Variants in LRMDA observed in about 807,000 individuals in gnomAD.
LRMDA encodes the protein leucine-rich melanocyte differentiation-associated protein.
In LRMDA, 18 loss-of-function variants were observed where a neutral mutation model predicts 29.8. The ratio of observed to expected loss-of-function variants is 0.60; its 90% confidence interval spans 0.42 to 0.90. LRMDA has a LOEUF of 0.90. LRMDA is among the 40% of genes least tolerant of loss of function. LRMDA has a pLI of 0.00. For synonymous variants in LRMDA, 125 were observed against 109.4 expected (o/e 1.14, Z -0.89); for missense variants, 273 against 273.9 (o/e 1.00, Z 0.02).
chr10:75,672,617 C>T (rs1433210288), intron 2 of LRMDA, among the ~76,000 whole-genome samples: 3 of 121,236 alleles, frequency 2.5e-5, no homozygotes, highest in Non-Finnish European at 5.0e-5. Flanking sequence ...GACAGCGTCT[C>T]ACTCTGCTGC....
intron 2 of LRMDA, among the ~76,000 whole-genome samples, chr10:75,928,683 G>A (rs1284023863): frequency 6.6e-6 from 1 of 152,146 alleles, no homozygotes; most frequent in Non-Finnish European, 1.5e-5. Flanking sequence ...AGGAGGAAGA[G>A]AGGTGGTTTT....
chr10:76,439,301 GAC>G (rs1842276923), intron 6 of LRMDA, among the ~76,000 whole-genome samples: 2 of 152,116 alleles, frequency 1.3e-5, no homozygotes, highest in Non-Finnish European at 2.9e-5. Context: ...AAAGCTCAAA[GAC>G]ATATCTGTGA....
At chr10:76,479,400 T>C (rs1472680583) in intron 6 of LRMDA, among the ~76,000 whole-genome samples, 9 of 152,032 alleles carry the variant, frequency 5.9e-5, no homozygotes, top group Non-Finnish European at 1.2e-4. Context: ...CACGCCATGC[T>C]CAGAAGGGCC....
intron 2 of LRMDA, among the ~76,000 whole-genome samples, chr10:75,473,694 C>T (rs570358036): frequency 6.6e-6 from 1 of 152,306 alleles, no homozygotes; most frequent in East Asian, 1.9e-4. Flanking sequence ...CTGTGGCATG[C>T]TGGTTGTGAG....
intron 2 of LRMDA, among the ~76,000 whole-genome samples, chr10:75,559,219 C>A (rs546646673): frequency 3.3e-5 from 5 of 152,172 alleles, no homozygotes; most frequent in African/African-American, 7.2e-5. Flanking sequence ...TTAATGATCG[C>A]CATTCTAACT....
chr10:76,083,651 A>T (rs1343791379), intron 5 of LRMDA, among the ~76,000 whole-genome samples: 1 of 152,160 alleles, frequency 6.6e-6, no homozygotes, highest in Non-Finnish European at 1.5e-5. Context: ...CAACATGGTG[A>T]AACCCCGTCT....
chr10:75,925,715 C>T (rs1466659496), intron 2 of LRMDA, among the ~76,000 whole-genome samples: 2 of 143,694 alleles, frequency 1.4e-5, no homozygotes, highest in Admixed American at 1.4e-4. Flanking sequence ...TGCAGTGACA[C>T]AGTCTCGGTT....
chr10:75,675,737 T>C (rs970077840), intron 2 of LRMDA, among the ~76,000 whole-genome samples: 4 of 152,072 alleles, frequency 2.6e-5, no homozygotes, highest in African/African-American at 7.2e-5. Flanking sequence ...TGAAAAACTA[T>C]CTTTACCAGT....
intron 2 of LRMDA, among the ~76,000 whole-genome samples, chr10:75,923,018 G>A (rs1846052297): frequency 1.3e-5 from 2 of 152,058 alleles, no homozygotes; most frequent in South Asian, 4.1e-4. Context: ...TTACAAATGG[G>A]GGCCCAGAGA....
chr10:76,344,819 A>G (rs1841082343), intron 6 of LRMDA, among the ~76,000 whole-genome samples: 1 of 151,886 alleles, frequency 6.6e-6, no homozygotes, highest in South Asian at 2.1e-4. Flanking sequence ...TGGGGGACAT[A>G]TAATAGGTAT....
At chr10:76,250,114 T>C (rs998453141) in intron 5 of LRMDA, among the ~76,000 whole-genome samples, 3 of 152,170 alleles carry the variant, frequency 2.0e-5, no homozygotes, top group African/African-American at 7.2e-5. Flanking sequence ...CCACAAATTT[T>C]TCATTTAACA....
At chr10:76,520,139 C>T (rs1250256352) in intron 6 of LRMDA, among the ~76,000 whole-genome samples, 1 of 151,954 alleles carries the variant, frequency 6.6e-6, no homozygotes, top group African/African-American at 2.4e-5. Context: ...TTCATTTAGT[C>T]CTAATATTTA....
chr10:75,660,549 C>T (rs975029151), intron 2 of LRMDA, among the ~76,000 whole-genome samples: 3 of 152,148 alleles, frequency 2.0e-5, no homozygotes, highest in African/African-American at 7.2e-5. Context: ...TTGTCAGACT[C>T]ACCAATTCAT....
At chr10:76,310,029 A>T (rs1840610379) in intron 5 of LRMDA, among the ~76,000 whole-genome samples, 1 of 152,206 alleles carries the variant, frequency 6.6e-6, no homozygotes, top group Admixed American at 6.5e-5. Flanking sequence ...AAAAGACTTT[A>T]TTCCTTTTAA....
intron 2 of LRMDA, among the ~76,000 whole-genome samples, chr10:75,499,354 A>G (rs576888468): frequency 6.6e-6 from 1 of 152,232 alleles, no homozygotes; most frequent in Non-Finnish European, 1.5e-5. Flanking sequence ...GGGGAACAAT[A>G]TGTGGACTAG....
chr10:75,712,654 G>A (rs1466876130), intron 2 of LRMDA, among the ~76,000 whole-genome samples: 2 of 152,128 alleles, frequency 1.3e-5, no homozygotes, highest in Admixed American at 1.3e-4. Flanking sequence ...AAGTATGCCC[G>A]CCCTCAGCTC....
chr10:75,639,490 C>G (rs989060008), intron 2 of LRMDA, among the ~76,000 whole-genome samples: 1 of 152,250 alleles, frequency 6.6e-6, no homozygotes, highest in Admixed American at 6.5e-5. Flanking sequence ...AGATCAGTCT[C>G]TATTATGGCA....
At chr10:75,642,971 T>C (rs902832078) in intron 2 of LRMDA, 1 of 152,214 alleles carries the variant, frequency 6.6e-6, no homozygotes, top group African/African-American at 2.4e-5. Flanking sequence ...TCCACAAGCT[T>C]GGACCTGGGC....
rs139854106 is a variant in LRMDA, at chr10:75,584,860, T to A, written c.131+146366T>A. 5.1e-3 allele frequency among the ~76,000 whole-genome samples: 774 copies of A among 152,294 alleles called. 2 individuals are homozygous for A. Among genetic ancestry groups the A allele is most frequent in the Non-Finnish European group, 7.2e-3 (493 of 68,028 alleles). Reference sequence around the variant, plus strand: ...AAGTAGCCAAAGAATCATTTGGACATGTCAGGAGCTAATGATAGGAATTAA... The same window carrying A: ...AAGTAGCCAAAGAATCATTTGGACAAGTCAGGAGCTAATGATAGGAATTAA... On this transcript the variant is annotated intron_variant, in intron 2 of 6. Transcript: ENST00000611255.
Sources: gnomAD v4.1 joint callset for allele counts (sites outside exome capture counted in the v4.1 genomes callset) on GRCh38, gnomAD v4.1.1 for gene constraint, MANE v1.5 for transcripts, NCBI Gene and HGNC (gene_info 2026-07-23, HGNC 2026-07-21) for gene names.